The following LAMA1 variants were observed in gnomAD, a reference collection of about 807,000 sequenced individuals.
LAMA1 encodes laminin subunit alpha 1.
In LAMA1, 219 loss-of-function variants were observed where a neutral mutation model predicts 348.7. That is an observed-to-expected ratio of 0.63 (90% CI 0.56 to 0.70). The LOEUF (loss-of-function observed/expected upper bound fraction) is 0.70. Ranked by LOEUF, LAMA1 falls within the 30% of genes least tolerant of loss-of-function variation. The pLI is 0.00. For synonymous variants in LAMA1, 1,487 were observed against 1,491.0 expected (o/e 1.00, Z 0.06); for missense variants, 3,744 against 3,888.0 (o/e 0.96, Z 0.99).
chr18:7,079,056 G>T (rs527534884), intron 3 of LAMA1, among the ~76,000 whole-genome samples: 7 of 152,122 alleles, frequency 4.6e-5, no homozygotes, highest in African/African-American at 1.7e-4. Context: ...CTTATTCAAA[G>T]AATTCTGATT....
At chr18:7,100,661 T>C (rs2058287807) in intron 1 of LAMA1, among the ~76,000 whole-genome samples, 1 of 152,156 alleles carries the variant, frequency 6.6e-6, no homozygotes, top group Admixed American at 6.5e-5. Flanking sequence ...ATTATTGACA[T>C]ATGCTACAAA....
intron 19 of LAMA1, among the ~76,000 whole-genome samples, chr18:7,019,674 CTTTTTTTTTTTTT>C (rs35235323): frequency 5.3e-5 from 5 of 94,546 alleles, no homozygotes; most frequent in African/African-American, 2.3e-4. Flanking sequence ...TATGGTAATT[CTTTTTTTTTTTTT>C]TTTTTTTTTT....
At chr18:6,944,140 C>T (rs879392618) in intron 61 of LAMA1, among the ~76,000 whole-genome samples, 7 of 152,074 alleles carry the variant, frequency 4.6e-5, no homozygotes, top group African/African-American at 1.4e-4. Context: ...CTCAGCCTCC[C>T]GCATAGCTGG....
At chr18:6,993,855 A>G in intron 34 of LAMA1, 103 bp from the exon 35 acceptor site, 1 of 758,512 alleles carries the variant, frequency 1.3e-6, no homozygotes, top group South Asian at 1.4e-5. Flanking sequence ...CTTATAAGCA[A>G]CAACATATAT....
chr18:6,966,246 G>A lies in LAMA1; in HGVS notation c.6951C>T (p.Val2317=), dbSNP rs755752110. 12 of 1,613,758 alleles carry A rather than the reference G, an allele frequency of 7.4e-6. No homozygotes were observed. In the Admixed American group the frequency reaches 1.3e-4, roughly 18 times the overall value. The change falls in exon 49 of 63, where the codon GTC becomes GTT. Residue 2317 remains valine (V), a synonymous_variant. Coordinates refer to ENST00000389658, the MANE Select transcript of LAMA1 (RefSeq NM_005559.4). ...CGGTAGCCGGAAGTGACTTCTCCACGACAGAGTACCCACTCCCGTCAAAAT... is the reference window on the plus strand; with the variant it reads ...CGGTAGCCGGAAGTGACTTCTCCACAACAGAGTACCCACTCCCGTCAAAAT... ...SFHFDGSGYS[V]VEKSLPATVT...
intron 3 of LAMA1, among the ~76,000 whole-genome samples, chr18:7,074,619 C>T (rs922401985): frequency 6.6e-6 from 1 of 152,114 alleles, no homozygotes; most frequent in South Asian, 2.1e-4. Flanking sequence ...GAGACCACAA[C>T]ATATATGTTA....
intron 3 of LAMA1, among the ~76,000 whole-genome samples, chr18:7,063,373 T>C (rs1180817975): frequency 1.3e-5 from 2 of 152,180 alleles, no homozygotes; most frequent in Non-Finnish European, 2.9e-5. Context: ...ATAGGAAGGC[T>C]TTTGTTTATT....
At chr18:7,043,647 A>G (rs539142712) in intron 7 of LAMA1, among the ~76,000 whole-genome samples, 1 of 152,304 alleles carries the variant, frequency 6.6e-6, no homozygotes, top group Admixed American at 6.5e-5. Context: ...ATTTCGCAGA[A>G]GTACTTGCCC....
chr18:7,008,362 T>C (rs1015978041), intron 28 of LAMA1, 126 bp downstream of exon 28: 1 of 1,128,978 alleles, frequency 8.9e-7, no homozygotes, highest in African/African-American at 1.6e-5. Context: ...TAATTTCTTT[T>C]TAATTCAAAA....
At chr18:6,961,795 C>T in intron 52 of LAMA1, 36 bp from the exon 53 acceptor site, 1 of 1,613,022 alleles carries the variant, frequency 6.2e-7, no homozygotes. Flanking sequence ...ATGGTGAGTT[C>T]CTAGCTGCGG....
chr18:7,080,123 G>A (rs369661634), intron 2 of LAMA1, 36 bp from the exon 3 acceptor site: 25 of 1,576,608 alleles, frequency 1.6e-5, no homozygotes, highest in East Asian at 1.3e-4. Flanking sequence ...AATTCCTCTC[G>A]GCTGTTGCTT....
At chr18:6,950,538 T>C (rs1000639457) in intron 58 of LAMA1, among the ~76,000 whole-genome samples, 11 of 152,214 alleles carry the variant, frequency 7.2e-5, no homozygotes, top group African/African-American at 2.7e-4. Flanking sequence ...TAGTACCTTT[T>C]GTTCATCCCG....
intron 42 of LAMA1, among the ~76,000 whole-genome samples, chr18:6,979,980 C>G (rs141018801): frequency 3.7e-4 from 56 of 152,258 alleles, no homozygotes; most frequent in Non-Finnish European, 7.5e-4. Flanking sequence ...AGACTTATTG[C>G]GGCCTGGCTT....
chr18:7,117,109 C>A (rs934345041), intron 1 of LAMA1, among the ~76,000 whole-genome samples: 4 of 152,180 alleles, frequency 2.6e-5, no homozygotes, highest in Admixed American at 1.3e-4. Context: ...GCGCCCTTCT[C>A]GCCGCGTCTC....
At position 7,010,348 on chromosome 18, in the gene LAMA1, G is replaced by A. The variant is rs372314380; in HGVS notation, c.3725C>T (p.Ala1242Val). The change falls in exon 26 of 63, where the codon GCC becomes GTC. Residue 1242 changes from alanine to valine, a missense_variant. Coordinates refer to ENST00000389658, the MANE Select transcript of LAMA1 (RefSeq NM_005559.4). The part of the protein sequence containing the change: ...AYGGKLKYSV[A>V]FYSLDGVGTS... ...GCCGACGCCATCCAAAGAATAGAAG[G>A]CCACGCTGTACTTCAGTTTGCCACC... The A allele has an allele frequency of 1.9e-6, 3 of 1,613,974 alleles. No individual in the cohort carries two copies. The African/African-American group carries it at 4.0e-5, about 22-fold the overall frequency.
intron 10 of LAMA1, 139 bp downstream of exon 10, chr18:7,039,937 T>C: frequency 2.1e-6 from 2 of 952,118 alleles, no homozygotes; most frequent in East Asian, 5.2e-5. Flanking sequence ...TCGGTGTGGC[T>C]TGGAGAGAAG....
intron 57 of LAMA1, 80 bp downstream of exon 57, chr18:6,955,273 G>T: frequency 9.0e-7 from 1 of 1,109,680 alleles, no homozygotes; most frequent in Non-Finnish European, 1.3e-6. Flanking sequence ...AGGTTCTTTT[G>T]GAAAAGACTC....
intron 48 of LAMA1, among the ~76,000 whole-genome samples, chr18:6,971,222 G>A (rs555808464): frequency 6.6e-6 from 1 of 150,866 alleles, no homozygotes; most frequent in South Asian, 2.1e-4. Context: ...TAATGGGTTG[G>A]GGGGGAAGAT....
chr18:6,985,801 C>G (rs1327017833), intron 37 of LAMA1, among the ~76,000 whole-genome samples, 158 bp from the exon 38 acceptor site: 1 of 152,156 alleles, frequency 6.6e-6, no homozygotes, highest in East Asian at 1.9e-4. Context: ...ATTCTGTTGC[C>G]AGGCTGGAGT....
Sources: allele counts gnomAD v4.1 joint callset (sites outside exome capture counted in the v4.1 genomes callset), GRCh38; gene constraint gnomAD v4.1.1; transcripts MANE v1.5; gene names NCBI Gene and HGNC (gene_info 2026-07-23, HGNC 2026-07-21).